Variants in NSMF observed in about 807,000 individuals in gnomAD.
NSMF encodes nasal embryonic LHRH factor.
A neutral mutation model predicts 71.0 loss-of-function variants in NSMF; 31 were observed. The ratio of observed to expected loss-of-function variants is 0.44; its 90% confidence interval spans 0.33 to 0.59. NSMF has a LOEUF of 0.59. Ranked by LOEUF, NSMF falls within the 20% of genes least tolerant of loss-of-function variation. NSMF has a pLI of 0.04. For missense variants in NSMF, 673 were observed against 740.5 expected (o/e 0.91, Z 1.06); for synonymous variants, 345 against 287.1 (o/e 1.20, Z -2.04).
rs1358162511 is a variant in NSMF at position 137,449,956 on chromosome 9, G to A, written c.1386C>T (p.Gly462=). 1.9e-6 allele frequency: 3 copies of A among 1,613,232 alleles called. No homozygotes were observed. The highest frequency in any genetic ancestry group is 1.7e-5 in the Admixed American group (1 of 60,014). ...NPEPNVIHIM[G]CYILGNPNGE... is the part of the protein sequence containing the mutation. ...CATTGGGGTTCCCCAGAATGTAGCA[G>A]CCCATGATGTGGATGACGTTCGGCT... is the stretch of plus-strand genomic sequence containing the variant. Residue 462 remains glycine (G), a synonymous_variant, in exon 14 of 16, where the codon GGC becomes GGT. Coordinates refer to ENST00000371475, the MANE Select transcript of NSMF (RefSeq NM_001130969.3).
rs141519461 is a variant in NSMF at position 137,453,170 on chromosome 9, C to T, written c.933G>A (p.Leu311=). 17 of 1,612,470 alleles carry T rather than the reference C, an allele frequency of 1.1e-5. No homozygotes were observed. In the African/African-American group the frequency reaches 2.0e-4, roughly 19 times the overall value. Residue 311 remains leucine (L), a synonymous_variant, in exon 9 of 16, where the codon CTG becomes CTA. Coordinates refer to ENST00000371475, the MANE Select transcript of NSMF (RefSeq NM_001130969.3). The surrounding 1 kb of genome is among the most constrained non-coding windows in gnomAD (Gnocchi z 4.5). ...TSHDSRDSSD[L]QSSHCTLDEA... Reference sequence around the variant, plus strand: ...CGTCCAGCGTGCAGTGGGAGCTCTGCAGGTCACTGCCTGGGAAGCAAGAGG... The same window carrying T: ...CGTCCAGCGTGCAGTGGGAGCTCTGTAGGTCACTGCCTGGGAAGCAAGAGG...
intron 1 of NSMF, 120 bp from the exon 2 acceptor site, chr9:137,458,669 G>A (rs1454748751): frequency 9.9e-7 from 1 of 1,006,146 alleles, no homozygotes; most frequent in African/African-American, 1.6e-5. Context: ...GGAGGGTCGG[G>A]GTCGTCCCCC....
chr9:137,458,126 G>C (rs943437468), intron 2 of NSMF, among the ~76,000 whole-genome samples: 5 of 152,190 alleles, frequency 3.3e-5, no homozygotes, highest in Non-Finnish European at 7.4e-5. Flanking sequence ...ACCTGTGTGC[G>C]GTCCTGCCGG....
In NSMF at chr9:137,449,686, G is replaced by A. The variant is rs200098798; in HGVS notation, c.1420-12C>T. The A allele has an allele frequency of 1.3e-4, 202 of 1,610,222 alleles. No homozygotes were observed. The highest frequency in any genetic ancestry group is 4.7e-4 in the East Asian group (21 of 44,786). On this transcript the variant is annotated splice_polypyrimidine_tract_variant and intron_variant, in intron 14 of 15. Transcript: ENST00000371475. ...AGGTTCTGGAACAGCTGGAGGAAGC[G>A]GGGTGCCATGAGTCCGAGGCAGAGA...
At chr9:137,456,595 G>C in intron 3 of NSMF, 109 bp from the exon 4 acceptor site, 1 of 733,210 alleles carries the variant, frequency 1.4e-6, no homozygotes, top group Non-Finnish European at 2.5e-6. Flanking sequence ...GCAGAAGCTG[G>C]CAGCCAGGGC....
intron 3 of NSMF, 92 bp downstream of exon 3, chr9:137,457,315 T>C (rs1830884222): frequency 6.4e-7 from 1 of 1,566,408 alleles, no homozygotes; most frequent in South Asian, 1.1e-5. Context: ...GCACCTGTTC[T>C]CTGTTCCAAG....
rs1161614070 is a variant in NSMF, at chr9:137,450,168, C to A, written c.1316+8G>T. ...CCCTCCCCGCGCCCAGGGCACCCGGCTTCTCACTGAATCATGTCCTCTTCC... is the reference window on the plus strand; with the variant it reads ...CCCTCCCCGCGCCCAGGGCACCCGGATTCTCACTGAATCATGTCCTCTTCC... On this transcript the variant is annotated splice_region_variant and intron_variant, in intron 13 of 15. Coordinates refer to ENST00000371475, the MANE Select transcript of NSMF (RefSeq NM_001130969.3). The A allele has an allele frequency of 6.2e-7, 1 of 1,613,154 alleles. No homozygotes were observed. Among genetic ancestry groups the A allele is most frequent in the African/African-American group, 1.3e-5 (1 of 74,994 alleles).
intron 3 of NSMF, 120 bp downstream of exon 3, chr9:137,457,287 T>C (rs1830883041): frequency 7.1e-7 from 1 of 1,407,574 alleles, no homozygotes; most frequent in East Asian, 2.3e-5. Context: ...TTGAGTCCGC[T>C]GGCATGCTGT....
At chr9:137,452,306 G>C in intron 12 of NSMF, 59 bp downstream of exon 12, 18 of 1,548,258 alleles carry the variant, frequency 1.2e-5, no homozygotes, top group Non-Finnish European at 1.5e-5. Flanking sequence ...CTTCCCCTTG[G>C]TCTTCCCCTG....
chr9:137,447,622 C>G lies in NSMF; in HGVS notation c.*1772G>C, dbSNP rs977144178. On this transcript the variant is annotated 3_prime_UTR_variant, in exon 16 of 16. Coordinates refer to ENST00000371475, the MANE Select transcript of NSMF (RefSeq NM_001130969.3). ...CTCAAATTGGCACCAAAACCTGCCC[C>G]CTCCCGGGACCCCATCTAGAATGCC... 1.3e-5 allele frequency: 2 copies of G among 150,396 alleles called. No homozygotes were observed. The highest frequency in any genetic ancestry group is 3.0e-5 in the Non-Finnish European group (2 of 67,696). The allele number at this position is 150,396 out of a possible 1,614,324, so 9.3% of individuals were successfully genotyped here. A position where few individuals can be genotyped will look rare whatever the true frequency, so the allele number is the denominator to read the frequency against.
chr9:137,455,581 C>T, intron 5 of NSMF, 48 bp downstream of exon 5: 1 of 1,547,558 alleles, frequency 6.5e-7, no homozygotes, highest in Non-Finnish European at 8.7e-7. Context: ...AGGGTCTCCC[C>T]AGGGACAACA....
intron 4 of NSMF, among the ~76,000 whole-genome samples, chr9:137,456,048 G>A (rs189357238): frequency 1.0e-4 from 16 of 152,384 alleles, no homozygotes; most frequent in African/African-American, 3.6e-4. Flanking sequence ...GATGACCTAT[G>A]GCACGTATGA....
At chr9:137,450,432 CT>C (rs1284848492) in intron 12 of NSMF, among the ~76,000 whole-genome samples, 177 bp from the exon 13 acceptor site, 3 of 124,272 alleles carry the variant, frequency 2.4e-5, no homozygotes, top group Non-Finnish European at 5.2e-5. Flanking sequence ...CGCCTCTTCC[CT>C]TTGATCTCCC....
At chr9:137,450,385 C>T (rs1830420321) in intron 12 of NSMF, 130 bp from the exon 13 acceptor site, 1 of 731,004 alleles carries the variant, frequency 1.4e-6, no homozygotes, top group African/African-American at 1.8e-5. Context: ...CTTGATCTCC[C>T]CCACCACACG....
In NSMF at chr9:137,453,475, C is replaced by T. The variant is rs1397236980; in HGVS notation, c.922+256G>A. ...GGGAGTGGGGGCGGGCACCGCAGCC[C>T]CCTGCCCCTGAGGGCCTCTTGCGAG... On this transcript the variant is annotated intron_variant, in intron 8 of 15. Coordinates refer to ENST00000371475, the MANE Select transcript of NSMF (RefSeq NM_001130969.3). This position sits in a 1 kb window ranked among gnomAD's most constrained non-coding sequence, Gnocchi z 4.5. The T allele has an allele frequency of 6.7e-6, 4 of 596,686 alleles. No individual in the cohort carries two copies. In the African/African-American group the frequency reaches 7.5e-5, roughly 11 times the overall value. 37.0% of individuals were successfully genotyped at this position (596,686 alleles called of 1,614,324 possible). A position where few individuals can be genotyped will look rare whatever the true frequency, so the allele number is the denominator to read the frequency against.
chr9:137,458,892 G>T, intron 1 of NSMF, 140 bp downstream of exon 1: 1 of 671,362 alleles, frequency 1.5e-6, no homozygotes, highest in South Asian at 2.5e-5. Context: ...CAGGAAGAGG[G>T]AGGCGCGGGG....
intron 7 of NSMF, 102 bp downstream of exon 7, chr9:137,454,289 G>A (rs74384223): frequency 8.6e-7 from 1 of 1,158,916 alleles, no homozygotes; most frequent in Non-Finnish European, 1.3e-6. Context: ...GGGCCCGATT[G>A]GGGTTGGGGC....
chr9:137,455,389 G>A (rs1830782013), intron 5 of NSMF, 82 bp from the exon 6 acceptor site: 3 of 1,485,218 alleles, frequency 2.0e-6, no homozygotes, highest in Non-Finnish European at 2.8e-6. Flanking sequence ...GCGAGCAGAG[G>A]GCCCAGCAGG....
At position 137,459,182 on chromosome 9, in the gene NSMF, C is replaced by A; in HGVS notation, c.-80G>T. On this transcript the variant is annotated 5_prime_UTR_variant, in exon 1 of 16. Transcript: ENST00000371475. ...CTCCGCCGGGGTAGCCGCGCCGCAC[C>A]GGGGGTCGCGCTCGGGCTCGGGCTC... 1 of 1,035,818 alleles carries A rather than the reference C, an allele frequency of 9.7e-7. No individual in the cohort carries two copies. Among genetic ancestry groups the A allele is most frequent in the Non-Finnish European group, 1.2e-6 (1 of 843,468 alleles). The allele number at this position is 1,035,818 out of a possible 1,614,324, so 64.2% of individuals were successfully genotyped here.
Sources: gnomAD v4.1 joint callset for allele counts (sites outside exome capture counted in the v4.1 genomes callset) on GRCh38, gnomAD v4.1.1 for gene constraint, Gnocchi (gnomAD v3.1) non-coding constraint, MANE v1.5 for transcripts, NCBI Gene and HGNC (gene_info 2026-07-23, HGNC 2026-07-21) for gene names.